Variants in GRID1 observed in about 807,000 individuals in gnomAD.
GRID1 encodes the protein glutamate ionotropic receptor delta type subunit 1.
A neutral mutation model predicts 98.0 loss-of-function variants in GRID1; 28 were observed. The ratio of observed to expected loss-of-function variants is 0.29; its 90% confidence interval spans 0.21 to 0.39. The LOEUF is 0.39. GRID1 is among the 10% of genes least tolerant of loss of function. The probability of loss-of-function intolerance (pLI) is 1.00; values close to 1 mark genes in which losing one functional copy is unlikely to be tolerated. For missense variants in GRID1, 1,111 were observed against 1,340.5 expected (o/e 0.83, Z 2.67); for synonymous variants, 553 against 538.5 (o/e 1.03, Z -0.37).
At chr10:85,687,790 C>T (rs1289364979) in intron 12 of GRID1, among the ~76,000 whole-genome samples, 3 of 152,256 alleles carry the variant, frequency 2.0e-5, no homozygotes, top group East Asian at 3.9e-4. Context: ...GAAGAGCAGG[C>T]TTTCACCTGG....
chr10:85,921,151 T>A (rs7897266), intron 4 of GRID1, among the ~76,000 whole-genome samples: 2 of 152,152 alleles, frequency 1.3e-5, no homozygotes, highest in Non-Finnish European at 2.9e-5. Flanking sequence ...ATGGTGGTAC[T>A]GGCACATGAG....
intron 2 of GRID1, among the ~76,000 whole-genome samples, chr10:86,273,158 C>T (rs868682614): frequency 1.1e-4 from 16 of 151,458 alleles, no homozygotes; most frequent in African/African-American, 2.4e-4. Context: ...TGAGAACATG[C>T]GGTGTTTGGT....
chr10:85,708,137 G>C (rs1245293501), intron 12 of GRID1, among the ~76,000 whole-genome samples: 5 of 48,986 alleles, frequency 1.0e-4, no homozygotes, highest in South Asian at 1.0e-3. Context: ...AAAAACACAA[G>C]ATTAGCCTAT....
chr10:85,831,102 A>G (rs1842863532), intron 8 of GRID1, among the ~76,000 whole-genome samples: 1 of 151,090 alleles, frequency 6.6e-6, no homozygotes, highest in African/African-American at 2.5e-5. Context: ...TGTGGTACAT[A>G]TACACCATGG....
At chr10:86,059,920 A>C (rs1452358403) in intron 4 of GRID1, among the ~76,000 whole-genome samples, 1 of 152,234 alleles carries the variant, frequency 6.6e-6, no homozygotes, top group Non-Finnish European at 1.5e-5. Context: ...ATATTATGCA[A>C]ACGAGTATAC....
chr10:85,729,658 C>A (rs12241671), intron 8 of GRID1, 44 bp from the exon 9 acceptor site: 3 of 1,241,856 alleles, frequency 2.4e-6, no homozygotes, highest in Admixed American at 1.7e-5. Flanking sequence ...AACTGGCACC[C>A]GTGCACACCA....
intron 2 of GRID1, among the ~76,000 whole-genome samples, chr10:86,255,451 A>C (rs1846902657): frequency 6.6e-6 from 1 of 152,176 alleles, no homozygotes; most frequent in Admixed American, 6.5e-5. Context: ...CCTGACACTC[A>C]TATACTAGCC....
intron 4 of GRID1, among the ~76,000 whole-genome samples, chr10:86,121,585 TCAC>T (rs1844677614): frequency 0.013 from 1 of 76 alleles, no homozygotes; most frequent in Non-Finnish European, 0.036. Flanking sequence ...ATCACCACCA[TCAC>T]CATCATCTCA....
intron 2 of GRID1, among the ~76,000 whole-genome samples, chr10:86,246,884 G>A (rs1395776764): frequency 6.6e-6 from 1 of 152,256 alleles, no homozygotes; most frequent in East Asian, 1.9e-4. Flanking sequence ...TGACTGTACT[G>A]ATTTGTTCAG....
intron 4 of GRID1, among the ~76,000 whole-genome samples, chr10:86,086,818 T>C (rs962230002): frequency 6.6e-6 from 1 of 152,168 alleles, no homozygotes; most frequent in Non-Finnish European, 1.5e-5. Flanking sequence ...CTCCTGAACA[T>C]GACTTCACTT....
chr10:85,838,934 T>C (rs1783844451), intron 8 of GRID1, among the ~76,000 whole-genome samples: 1 of 147,078 alleles, frequency 6.8e-6, no homozygotes, highest in South Asian at 2.2e-4. Flanking sequence ...AGGCTCAAAA[T>C]AAAGAAAGGA....
intron 12 of GRID1, among the ~76,000 whole-genome samples, chr10:85,682,054 C>A (rs1036022712): frequency 6.6e-6 from 1 of 152,038 alleles, no homozygotes; most frequent in East Asian, 1.9e-4. Flanking sequence ...ATAATAAGAA[C>A]AAGAAAGACA....
chr10:85,927,706 T>A (rs903961939), intron 4 of GRID1, among the ~76,000 whole-genome samples: 1 of 152,142 alleles, frequency 6.6e-6, no homozygotes, highest in Non-Finnish European at 1.5e-5. Context: ...ACATCAATAT[T>A]TCACAGGACA....
At chr10:86,059,635 G>A (rs989646563) in intron 4 of GRID1, among the ~76,000 whole-genome samples, 1 of 152,114 alleles carries the variant, frequency 6.6e-6, no homozygotes, top group Non-Finnish European at 1.5e-5. Context: ...TACCATTTGG[G>A]GAAAAAACAT....
chr10:85,630,398 A>G (rs1842962185), intron 13 of GRID1, among the ~76,000 whole-genome samples: 1 of 152,162 alleles, frequency 6.6e-6, no homozygotes, highest in Non-Finnish European at 1.5e-5. Context: ...AGACAACAAC[A>G]CGTTATTCTC....
chr10:86,337,444 C>T (rs990383263), intron 2 of GRID1, among the ~76,000 whole-genome samples: 11 of 152,152 alleles, frequency 7.2e-5, no homozygotes, highest in African/African-American at 2.7e-4. Context: ...ACACTGGGCC[C>T]CAGCTACAAC....
At chr10:86,278,031 T>C (rs1847298646) in intron 2 of GRID1, among the ~76,000 whole-genome samples, 1 of 144,986 alleles carries the variant, frequency 6.9e-6, no homozygotes, top group South Asian at 2.1e-4. Flanking sequence ...TGTTAAACTA[T>C]AAATAGTAAA....
At chr10:85,868,507 C>T (rs1329405943) in intron 6 of GRID1, among the ~76,000 whole-genome samples, 1 of 152,168 alleles carries the variant, frequency 6.6e-6, no homozygotes, top group African/African-American at 2.4e-5. Context: ...TGTTATGGTC[C>T]TGCTGTCCTG....
chr10:85,792,922 G>A (rs1269642299), intron 8 of GRID1, among the ~76,000 whole-genome samples: 1 of 152,184 alleles, frequency 6.6e-6, no homozygotes, highest in Non-Finnish European at 1.5e-5. Flanking sequence ...TGGCAGTGAG[G>A]AAGGCATGAA....
Sources: allele counts gnomAD v4.1 joint callset (sites outside exome capture counted in the v4.1 genomes callset), GRCh38; gene constraint gnomAD v4.1.1; transcripts MANE v1.5; gene names NCBI Gene and HGNC (gene_info 2026-07-23, HGNC 2026-07-21).